The following RAB3IL1 variants were observed in gnomAD, a reference collection of about 807,000 sequenced individuals.
RAB3IL1 encodes guanine nucleotide exchange factor for Rab-3A.
In RAB3IL1, 37 loss-of-function variants were observed where a neutral mutation model predicts 49.2. The ratio of observed to expected loss-of-function variants is 0.75; its 90% CI spans 0.58 to 0.99. The LOEUF (loss-of-function observed/expected upper bound fraction) is 0.99, where lower values mean the gene tolerates loss of function less well. Among genes scored for constraint, RAB3IL1 ranks in the 50% least tolerant of loss-of-function variants. The pLI is 0.00. For missense variants in RAB3IL1, 484 were observed against 513.0 expected (o/e 0.94, Z 0.55); for synonymous variants, 193 against 213.9 (o/e 0.90, Z 0.85).
chr11:61,932,078 C>T, the RAB3IL1 span, among the ~76,000 whole-genome samples: 2 of 151,706 alleles, frequency 1.3e-5, no homozygotes, highest in African/African-American at 2.4e-5. Flanking sequence ...GGTGAAACCC[C>T]GTCTCTACTA....
chr11:61,944,110 T>TCC, the RAB3IL1 span, among the ~76,000 whole-genome samples: 1 of 151,974 alleles, frequency 6.6e-6, no homozygotes, highest in South Asian at 2.1e-4. Context: ...ATTAAAAACT[T>TCC]TTGTGCATCA....
chr11:61,916,832 G>C (rs367819233), intron 1 of RAB3IL1, among the ~76,000 whole-genome samples: 1 of 152,116 alleles, frequency 6.6e-6, no homozygotes, highest in African/African-American at 2.4e-5. Flanking sequence ...TCCAGGCTGC[G>C]GGGCCGGGGC....
At chr11:61,920,325 G>GTGGTGCCTCCCT, upstream of RAB3IL1, 1 of 1,147,492 alleles carries the variant, frequency 8.7e-7, no homozygotes, top group Non-Finnish European at 1.1e-6. Flanking sequence ...TGGGAGGGAG[G>GTGGTGCCTCCCT]CACCACCTCC....
At chr11:61,921,986 C>T (rs1337636179), upstream of RAB3IL1, among the ~76,000 whole-genome samples, 2 of 149,814 alleles carry the variant, frequency 1.3e-5, no homozygotes, top group East Asian at 4.0e-4. Flanking sequence ...CCCAGGAGAC[C>T]ACCCTAGGCA....
intron 5 of RAB3IL1, among the ~76,000 whole-genome samples, chr11:61,905,590 A>C (rs1177359812): frequency 6.6e-6 from 1 of 152,118 alleles, no homozygotes; most frequent in Non-Finnish European, 1.5e-5. Context: ...AGGTGCACAG[A>C]GACAGAACAG....
rs1254765384 is a variant in RAB3IL1, at chr11:61,898,644, C to T, written c.1067-284G>A. Among the ~76,000 whole-genome samples, 1 of 152,220 alleles carries T rather than the reference C, an allele frequency of 6.6e-6. No homozygotes were observed. The highest frequency in any genetic ancestry group is 1.5e-5 in the Non-Finnish European group (1 of 68,034). On this transcript the variant is annotated intron_variant, in intron 9 of 9. Transcript: ENST00000394836. The surrounding 1 kb of genome is among the most constrained non-coding windows in gnomAD (Gnocchi z 5.1). ...ACAAGCAGGTACACGCTGTCACATGCCACAGCGGTGGTCCAGACCTGGGAA... is the reference window on the plus strand; with the variant it reads ...ACAAGCAGGTACACGCTGTCACATGTCACAGCGGTGGTCCAGACCTGGGAA...
At chr11:61,920,661 C>T (rs1017767191), upstream of RAB3IL1, among the ~76,000 whole-genome samples, 7 of 152,242 alleles carry the variant, frequency 4.6e-5, no homozygotes, top group South Asian at 1.2e-3. Flanking sequence ...CGGAGGCTCA[C>T]GCCTGTAATC....
chr11:61,907,355 T>G (rs746390513), intron 4 of RAB3IL1, 38 bp downstream of exon 4: 4 of 1,601,718 alleles, frequency 2.5e-6, no homozygotes, highest in Non-Finnish European at 2.6e-6. Flanking sequence ...GCAGGGGGGG[T>G]GCCTGGGCTG....
chr11:61,899,286 C>A (rs1426469071), intron 9 of RAB3IL1, 28 bp downstream of exon 9: 4 of 1,596,584 alleles, frequency 2.5e-6, no homozygotes, highest in Admixed American at 1.7e-5. Flanking sequence ...GTGTGCGATC[C>A]CTGCACCGGC....
intron 9 of RAB3IL1, among the ~76,000 whole-genome samples, chr11:61,899,085 G>A (rs553037646): frequency 1.1e-4 from 16 of 152,348 alleles, no homozygotes; most frequent in African/African-American, 3.4e-4. Context: ...CCCCTTGTGC[G>A]GGGCCGGGAG....
At chr11:61,924,495 C>G (rs558482649), upstream of RAB3IL1, among the ~76,000 whole-genome samples, 87 of 152,154 alleles carry the variant, frequency 5.7e-4, no homozygotes, top group African/African-American at 2.0e-3. Context: ...GCTCTGGGGC[C>G]AGAGCTCCCC....
the RAB3IL1 span, among the ~76,000 whole-genome samples, chr11:61,935,335 G>A: frequency 4.0e-5 from 6 of 151,008 alleles, no homozygotes; most frequent in South Asian, 2.1e-4. Flanking sequence ...CAGGAGAATC[G>A]CTTGAACCCG....
chr11:61,915,355 T>C (rs1185956005), intron 1 of RAB3IL1, among the ~76,000 whole-genome samples: 1 of 152,114 alleles, frequency 6.6e-6, no homozygotes, highest in Non-Finnish European at 1.5e-5. Flanking sequence ...CTGACTCTCC[T>C]TGAAGCAACC....
chr11:61,942,258 A>G, the RAB3IL1 span, among the ~76,000 whole-genome samples: 1 of 152,194 alleles, frequency 6.6e-6, no homozygotes, highest in East Asian at 1.9e-4. Flanking sequence ...GCTTGAAGGC[A>G]GCATGATCGT....
chr11:61,934,319 T>TATACACACACACAC, the RAB3IL1 span, among the ~76,000 whole-genome samples: 36 of 126,558 alleles, frequency 2.8e-4, no homozygotes, highest in African/African-American at 8.5e-4. Flanking sequence ...TGAGTAAATA[T>TATACACACACACAC]ACACACACAC....
the RAB3IL1 span, among the ~76,000 whole-genome samples, chr11:61,926,913 C>T: frequency 6.6e-6 from 1 of 151,996 alleles, no homozygotes; most frequent in Non-Finnish European, 1.5e-5. Flanking sequence ...TGCAATGCCA[C>T]AATCTTGGCT....
the RAB3IL1 span, among the ~76,000 whole-genome samples, chr11:61,935,007 G>A: frequency 6.6e-6 from 1 of 152,196 alleles, no homozygotes; most frequent in African/African-American, 2.4e-5. Context: ...GGGGTGCTGG[G>A]AGATTTCAGA....
the RAB3IL1 span, among the ~76,000 whole-genome samples, chr11:61,926,240 G>A: frequency 6.6e-6 from 1 of 152,078 alleles, no homozygotes; most frequent in Admixed American, 6.6e-5. Context: ...AACACTGGGA[G>A]CTCAATAGAG....
At chr11:61,901,647 G>T (rs1424314591) in intron 8 of RAB3IL1, among the ~76,000 whole-genome samples, 1 of 152,238 alleles carries the variant, frequency 6.6e-6, no homozygotes, top group Non-Finnish European at 1.5e-5. Flanking sequence ...GTGCAACAAG[G>T]CCCTGTGGCA....
Sources: allele counts gnomAD v4.1 joint callset (sites outside exome capture counted in the v4.1 genomes callset), GRCh38; gene constraint gnomAD v4.1.1; non-coding constraint Gnocchi (gnomAD v3.1); transcripts MANE v1.5; gene names NCBI Gene and HGNC (gene_info 2026-07-23, HGNC 2026-07-21).